ZNF148: variants seen among roughly 807,000 people sequenced by gnomAD.
ZNF148 encodes Beta-Enolase Repressor Factor-1.
Under a neutral mutation model 67.7 loss-of-function variants are expected in ZNF148, and 7 were observed. That is an observed-to-expected ratio of 0.10 (90% CI 0.06 to 0.19). ZNF148 has a LOEUF of 0.19. Ranked by LOEUF, ZNF148 falls within the 10% of genes least tolerant of loss-of-function variation. The pLI, the probability that ZNF148 is intolerant of heterozygous loss-of-function variation, is 1.00. For missense variants in ZNF148, 583 were observed against 947.1 expected (o/e 0.62, Z 5.05); for synonymous variants, 333 against 330.7 (o/e 1.01, Z -0.08).
At chr3:125,342,762 A>G (rs1034077562) in intron 1 of ZNF148, among the ~76,000 whole-genome samples, 9 of 152,242 alleles carry the variant, frequency 5.9e-5, no homozygotes, top group Non-Finnish European at 1.3e-4. Context: ...TTAGTTTTAT[A>G]AATCATATTA....
intron 1 of ZNF148, among the ~76,000 whole-genome samples, chr3:125,362,322 C>A (rs539377898): frequency 1.3e-5 from 2 of 152,264 alleles, no homozygotes; most frequent in South Asian, 4.1e-4. Context: ...CCATCTGTTA[C>A]TTCTTGCCTC....
chr3:125,238,319 G>C (rs965118820), intron 7 of ZNF148, among the ~76,000 whole-genome samples: 6 of 152,004 alleles, frequency 3.9e-5, no homozygotes, highest in Non-Finnish European at 8.8e-5. Flanking sequence ...ATGCTTCAAA[G>C]GACACTATCA....
chr3:125,240,534 C>A (rs1039273514), intron 7 of ZNF148, among the ~76,000 whole-genome samples: 1 of 152,070 alleles, frequency 6.6e-6, no homozygotes, highest in Non-Finnish European at 1.5e-5. Flanking sequence ...GAGGTTCAGG[C>A]GGGAGGATCA....
At chr3:125,254,738 CAT>C (rs1438595984) in intron 7 of ZNF148, among the ~76,000 whole-genome samples, 3 of 151,962 alleles carry the variant, frequency 2.0e-5, no homozygotes, top group Non-Finnish European at 2.9e-5. Context: ...CTAATCCTTA[CAT>C]ATAAAGTGTG....
At chr3:125,305,048 G>A (rs1939800839) in intron 4 of ZNF148, among the ~76,000 whole-genome samples, 1 of 152,122 alleles carries the variant, frequency 6.6e-6, no homozygotes, top group African/African-American at 2.4e-5. Flanking sequence ...CACAGTAATA[G>A]ATTTTAACCC....
intron 1 of ZNF148, among the ~76,000 whole-genome samples, chr3:125,354,080 T>TA (rs1342400705): frequency 6.6e-6 from 1 of 152,136 alleles, no homozygotes; most frequent in African/African-American, 2.4e-5. Flanking sequence ...ACCAAAATAT[T>TA]AAAAGCAGTT....
At chr3:125,350,073 T>C (rs1942082996) in intron 1 of ZNF148, among the ~76,000 whole-genome samples, 1 of 152,090 alleles carries the variant, frequency 6.6e-6, no homozygotes, top group African/African-American at 2.4e-5. Context: ...AGTTCAGAGG[T>C]TCCTCACAAA....
chr3:125,264,578 C>A (rs1022391765), intron 7 of ZNF148, among the ~76,000 whole-genome samples: 1 of 152,040 alleles, frequency 6.6e-6, no homozygotes, highest in African/African-American at 2.4e-5. Context: ...GATGTTGATA[C>A]CATGTAGGAT....
At chr3:125,349,341 A>C (rs1354672068) in intron 1 of ZNF148, among the ~76,000 whole-genome samples, 1 of 152,254 alleles carries the variant, frequency 6.6e-6, no homozygotes, top group Non-Finnish European at 1.5e-5. Flanking sequence ...CTAAGGGGCT[A>C]AAATCCACAA....
chr3:125,233,263 G>T lies in ZNF148; in HGVS notation c.1463C>A (p.Ala488Glu). 6.2e-7 allele frequency: 1 copy of T among 1,613,810 alleles called. No individual in the cohort carries two copies. The highest frequency in any genetic ancestry group is 8.5e-7 in the Non-Finnish European group (1 of 1,179,902). ...AGAAGCTATGGTACCCACATTCAGCGCATATTCCCTGCTGTTGTTACTTGC... is the reference window on the plus strand; with the variant it reads ...AGAAGCTATGGTACCCACATTCAGCTCATATTCCCTGCTGTTGTTACTTGC... ...QAASNNSREYALNVGTIASQP... is the reference protein window; with the variant it reads ...QAASNNSREYELNVGTIASQP... The change falls in exon 9 of 9, where the codon GCG becomes GAG. Residue 488 changes from alanine (A) to glutamate (E), a missense_variant. By Grantham distance (107) the Ala-to-Glu change is moderately radical. Around this residue, in one of 5 missense-constraint regions of ZNF148, gnomAD observed 172 missense variants for 307.7 expected, o/e 0.56. Transcript: ENST00000360647. The surrounding 1 kb of genome is among the most constrained non-coding windows in gnomAD (Gnocchi z 5.1).
chr3:125,362,929 G>C (rs1942589415), intron 1 of ZNF148, among the ~76,000 whole-genome samples: 1 of 152,024 alleles, frequency 6.6e-6, no homozygotes, highest in East Asian at 1.9e-4. Flanking sequence ...ATTCTACTCT[G>C]ACCTCTCTGG....
chr3:125,259,188 A>G (rs1937227283), intron 7 of ZNF148, among the ~76,000 whole-genome samples: 1 of 152,160 alleles, frequency 6.6e-6, no homozygotes, highest in Non-Finnish European at 1.5e-5. Flanking sequence ...AAAGAATCCA[A>G]TTTTTTAAAT....
At chr3:125,276,654 G>A (rs572346525) in intron 7 of ZNF148, among the ~76,000 whole-genome samples, 41 of 151,964 alleles carry the variant, frequency 2.7e-4, no homozygotes, top group African/African-American at 8.9e-4. Context: ...GGCTGGTATC[G>A]AACTCCCGAC....
chr3:125,241,346 C>T (rs1412183381), intron 7 of ZNF148, among the ~76,000 whole-genome samples: 4 of 148,268 alleles, frequency 2.7e-5, no homozygotes, highest in Non-Finnish European at 4.5e-5. Context: ...GACAGGGTCT[C>T]GCTATATTGC....
At chr3:125,309,376 G>T (rs900365846) in intron 4 of ZNF148, among the ~76,000 whole-genome samples, 1 of 152,068 alleles carries the variant, frequency 6.6e-6, no homozygotes. Context: ...TGCAAGCAAA[G>T]AAATGCAAAG....
chr3:125,235,473 C>CATTT (rs1158695772), intron 7 of ZNF148, among the ~76,000 whole-genome samples: 1 of 152,130 alleles, frequency 6.6e-6, no homozygotes, highest in African/African-American at 2.4e-5. Context: ...TTTGGGTGTT[C>CATTT]AAATACTATA....
rs538380899 is a variant in ZNF148, at chr3:125,352,816, G to A, written c.-233-21578C>T. Among the ~76,000 whole-genome samples, 3 of 152,168 alleles carry A rather than the reference G, an allele frequency of 2.0e-5. No individual in the cohort carries two copies. The South Asian group carries it at 6.2e-4, about 32-fold the overall frequency. On this transcript the variant is annotated intron_variant, in intron 1 of 8. Transcript: ENST00000360647. ...AAACCAGAAGAGCTAAAACAATCTT[G>A]ACAGAGAAGAATGAAGTGAGAGGAG...
intron 4 of ZNF148, among the ~76,000 whole-genome samples, chr3:125,305,380 A>T (rs1331464283): frequency 3.3e-5 from 5 of 152,254 alleles, no homozygotes; most frequent in African/African-American, 1.2e-4. Context: ...ACAAAAACTG[A>T]AGAACATGAC....
At chr3:125,292,224 T>G (rs1235084762) in intron 4 of ZNF148, among the ~76,000 whole-genome samples, 1 of 152,090 alleles carries the variant, frequency 6.6e-6, no homozygotes, top group African/African-American at 2.4e-5. Context: ...ATCTGTCCCG[T>G]TTGCCTGATC....
Sources: gnomAD v4.1 joint callset for allele counts (sites outside exome capture counted in the v4.1 genomes callset) on GRCh38, gnomAD v4.1.1 for gene constraint, gnomAD v4.1.1 regional missense constraint, Gnocchi (gnomAD v3.1) non-coding constraint, MANE v1.5 for transcripts, NCBI Gene and HGNC (gene_info 2026-07-23, HGNC 2026-07-21) for gene names.